The following TMEM178B variants were observed in gnomAD, a reference collection of about 807,000 sequenced individuals.
TMEM178B encodes transmembrane protein 178B.
Under a neutral mutation model 31.0 loss-of-function variants are expected in TMEM178B, and 5 were observed. The observed-to-expected ratio is 0.16, with a 90% CI of 0.08 to 0.34. The LOEUF is 0.34. Ranked by LOEUF, TMEM178B falls within the 10% of genes least tolerant of loss-of-function variation. The pLI, the probability that TMEM178B is intolerant of heterozygous loss-of-function variation, is 1.00. For synonymous variants in TMEM178B, 164 were observed against 164.0 expected, an observed-to-expected ratio of 1.00 and a Z score of 0.00; for missense variants, 275 against 400.3, an observed-to-expected ratio of 0.69 and a Z score of 2.67.
At chr7:141,188,918 G>A (rs187179404) in intron 1 of TMEM178B, among the ~76,000 whole-genome samples, 2 of 152,222 alleles carry the variant, frequency 1.3e-5, no homozygotes, top group East Asian at 1.9e-4. Context: ...GAGCTAGAAG[G>A]TGTCCCTGAA....
chr7:141,099,265 C>G (rs1795013923), intron 1 of TMEM178B, among the ~76,000 whole-genome samples: 1 of 152,164 alleles, frequency 6.6e-6, no homozygotes, highest in Non-Finnish European at 1.5e-5. Flanking sequence ...ATTCCTGGCC[C>G]TTCCCAGGAG....
intron 1 of TMEM178B, among the ~76,000 whole-genome samples, chr7:141,096,009 A>G (rs763966362): frequency 3.3e-5 from 5 of 152,240 alleles, no homozygotes; most frequent in South Asian, 4.1e-4. Context: ...GCAACCAACC[A>G]TATCCTACAA....
At chr7:141,157,688 GATAACCC>G (rs1380287850) in intron 1 of TMEM178B, among the ~76,000 whole-genome samples, 1 of 152,240 alleles carries the variant, frequency 6.6e-6, no homozygotes, top group African/African-American at 2.4e-5. Flanking sequence ...AAATGGGGAT[GATAACCC>G]CAATCTCACT....
At chr7:141,307,867 G>A (rs558661963) in intron 2 of TMEM178B, among the ~76,000 whole-genome samples, 3 of 152,158 alleles carry the variant, frequency 2.0e-5, no homozygotes, top group South Asian at 2.1e-4. Flanking sequence ...GCCTAGCAGG[G>A]TCTTTAAGTT....
Position 141,478,091 on chromosome 7 carries a change from G to C in TMEM178B, c.*7305G>C, listed in dbSNP as rs1216655455. 6.5e-6 allele frequency: 1 copy of C among 152,928 alleles called. No homozygotes were observed. The highest frequency in any genetic ancestry group is 1.5e-5 in the Non-Finnish European group (1 of 68,308). The allele number at this position is 152,928 out of a possible 1,614,324, so 9.5% of individuals were successfully genotyped here. On this transcript the variant is annotated 3_prime_UTR_variant, in exon 4 of 4. Coordinates refer to ENST00000565468, the MANE Select transcript of TMEM178B (RefSeq NM_001195278.2). ...TGTCAGAAGCAGGGAGTCTGGCCAAGGGTTGCTACCAAATAAGACTGAAGA... is the reference window on the plus strand; with the variant it reads ...TGTCAGAAGCAGGGAGTCTGGCCAACGGTTGCTACCAAATAAGACTGAAGA...
intron 1 of TMEM178B, among the ~76,000 whole-genome samples, chr7:141,212,375 G>A (rs1215800901): frequency 6.6e-6 from 1 of 152,172 alleles, no homozygotes; most frequent in African/African-American, 2.4e-5. Context: ...ACCTCTGCAT[G>A]ATCCCAAAGA....
intron 2 of TMEM178B, among the ~76,000 whole-genome samples, chr7:141,435,205 G>A (rs935095605): frequency 6.6e-6 from 1 of 152,182 alleles, no homozygotes; most frequent in African/African-American, 2.4e-5. Context: ...AATGAAACTA[G>A]GCCCCTGTCT....
At chr7:141,490,238 G>C in the TMEM178B span, among the ~76,000 whole-genome samples, 1 of 152,304 alleles carries the variant, frequency 6.6e-6, no homozygotes, top group Non-Finnish European at 1.5e-5. Context: ...TCCAAAAAAT[G>C]TTGAAACCTT....
At chr7:141,184,848 A>G (rs538705194) in intron 1 of TMEM178B, among the ~76,000 whole-genome samples, 2 of 152,286 alleles carry the variant, frequency 1.3e-5, no homozygotes, top group South Asian at 4.1e-4. Context: ...CCTTGGTACA[A>G]ATAAACTTCT....
chr7:141,304,323 A>C lies in TMEM178B; in HGVS notation c.496+91619A>C, dbSNP rs1051920290. ...GGGGAAGGGGGTGGGCAGAGTGGTC[A>C]CAGGATGGCAGAGCTCCGTTCTTCT... On this transcript the variant is annotated intron_variant, in intron 2 of 3. Coordinates refer to ENST00000565468, the MANE Select transcript of TMEM178B (RefSeq NM_001195278.2). 2.6e-4 allele frequency among the ~76,000 whole-genome samples: 40 copies of C among 152,176 alleles called. 1 individual carries two copies. The highest frequency in any genetic ancestry group is 1.5e-3 in the Admixed American group (23 of 15,276).
At chr7:141,385,289 A>G (rs1800411395) in intron 2 of TMEM178B, among the ~76,000 whole-genome samples, 1 of 152,210 alleles carries the variant, frequency 6.6e-6, no homozygotes, top group South Asian at 2.1e-4. Context: ...TGAAAGAATA[A>G]CCGTTAACAG....
At chr7:141,245,739 G>A (rs1252857730) in intron 2 of TMEM178B, among the ~76,000 whole-genome samples, 10 of 152,258 alleles carry the variant, frequency 6.6e-5, no homozygotes, top group South Asian at 2.1e-4. Flanking sequence ...ATTTTTCAGC[G>A]GAAATAGAGG....
chr7:141,352,443 T>C (rs1799748283), intron 2 of TMEM178B: 1 of 151,512 alleles, frequency 6.6e-6, no homozygotes, highest in African/African-American at 2.4e-5. Flanking sequence ...AGTGGTGCGA[T>C]CTTGGCTCAC....
At chr7:141,116,866 A>G (rs1427282978) in intron 1 of TMEM178B, among the ~76,000 whole-genome samples, 7 of 152,180 alleles carry the variant, frequency 4.6e-5, no homozygotes, top group Non-Finnish European at 7.3e-5. Flanking sequence ...TTATGGCTGC[A>G]TAGTATTCCA....
intron 2 of TMEM178B, among the ~76,000 whole-genome samples, chr7:141,393,751 T>TA (rs1375626705): frequency 3.9e-5 from 6 of 152,224 alleles, no homozygotes; most frequent in African/African-American, 1.4e-4. Flanking sequence ...TCACAGATCA[T>TA]ACCCTTGCTT....
At chr7:141,093,665 T>G (rs1437435356) in intron 1 of TMEM178B, among the ~76,000 whole-genome samples, 1 of 152,098 alleles carries the variant, frequency 6.6e-6, no homozygotes, top group Non-Finnish European at 1.5e-5. Flanking sequence ...CTCAGGGAGA[T>G]GAGTTGGAAT....
chr7:141,404,550 G>A (rs1455686441), intron 2 of TMEM178B, among the ~76,000 whole-genome samples: 1 of 152,030 alleles, frequency 6.6e-6, no homozygotes, highest in Non-Finnish European at 1.5e-5. Context: ...GAGTCTCTGG[G>A]TCTCAGATCT....
intron 2 of TMEM178B, among the ~76,000 whole-genome samples, chr7:141,258,186 A>G (rs908712045): frequency 2.7e-5 from 4 of 148,332 alleles, no homozygotes; most frequent in Non-Finnish European, 4.5e-5. Context: ...ATATATATGC[A>G]TGTTATATAT....
intron 2 of TMEM178B, among the ~76,000 whole-genome samples, chr7:141,299,602 C>T (rs1798690524): frequency 6.6e-6 from 1 of 152,126 alleles, no homozygotes. Flanking sequence ...ACACCCTTCT[C>T]TAAGCGGGAT....
Sources: allele counts gnomAD v4.1 joint callset (sites outside exome capture counted in the v4.1 genomes callset), GRCh38; gene constraint gnomAD v4.1.1; transcripts MANE v1.5; gene names NCBI Gene and HGNC (gene_info 2026-07-23, HGNC 2026-07-21).